The following LBX2 variants were observed in gnomAD, a reference collection of about 807,000 sequenced individuals.
LBX2 encodes ladybird homeobox 2.
A neutral mutation model predicts 7.5 loss-of-function variants in LBX2; 6 were observed. The observed-to-expected ratio is 0.80, with a 90% CI of 0.44 to 1.59. LBX2 has a LOEUF of 1.59. Ranked by LOEUF, LBX2 falls within the 40% of genes most tolerant of loss-of-function variation. The pLI is 0.01. For synonymous variants in LBX2, 143 were observed against 133.2 expected (o/e 1.07, Z -0.51); for missense variants, 281 against 282.0 (o/e 1.00, Z 0.03).
upstream of LBX2, chr2:74,502,570 C>T: frequency 1.6e-6 from 2 of 1,242,562 alleles, no homozygotes; most frequent in Admixed American, 2.0e-5. The surrounding 1 kb of genome is among the most constrained non-coding windows in gnomAD (Gnocchi z 5.4). Context: ...GAGCGTGAGG[C>T]GGGGCTTCCG....
upstream of LBX2, chr2:74,502,989 CA>C: frequency 6.4e-6 from 5 of 784,664 alleles, no homozygotes; most frequent in Non-Finnish European, 7.9e-6. The surrounding 1 kb of genome is among the most constrained non-coding windows in gnomAD (Gnocchi z 5.4). Flanking sequence ...GGAAGGTGGG[CA>C]GGGGCAAGGT....
rs760051483 is a variant in LBX2, at chr2:74,497,935, C to G, written c.589G>C (p.Asp197His). Reference sequence around the variant, plus strand: ...TGGCGGCGGCTTTGTCTTCAATCGTCCACCTGTATCTCCTCGTCTGACAGG... The same window carrying G: ...TGGCGGCGGCTTTGTCTTCAATCGTGCACCTGTATCTCCTCGTCTGACAGG... ...PHLSDEEIQV[D>H]D Residue 197 changes from aspartate to histidine, a missense_variant, in exon 2 of 2, where the codon GAC becomes CAC. By Grantham distance (81) the Asp-to-His change is moderately conservative (BLOSUM62 -1). Coordinates refer to ENST00000377566, the MANE Select transcript of LBX2 (RefSeq NM_001282430.2). 6.4e-7 allele frequency: 1 copy of G among 1,566,908 alleles called. No individual in the cohort carries two copies. The highest frequency in any genetic ancestry group is 2.3e-5 in the East Asian group (1 of 44,098).
At chr2:74,499,822 G>C, upstream of LBX2, 1 of 517,924 alleles carries the variant, frequency 1.9e-6, no homozygotes. The surrounding 1 kb of genome is among the most constrained non-coding windows in gnomAD (Gnocchi z 4.6). Flanking sequence ...GGGCTGCTCC[G>C]CGCTGCGGGG....
upstream of LBX2, chr2:74,502,669 T>C (rs748032304): frequency 2.0e-5 from 33 of 1,613,774 alleles, no homozygotes; most frequent in South Asian, 1.2e-4. This position sits in a 1 kb window ranked among gnomAD's most constrained non-coding sequence, Gnocchi z 5.4. Flanking sequence ...TTCGTGACTT[T>C]GGGGGCGGCA....
chr2:74,499,629 GC>G, upstream of LBX2: 1 of 1,359,004 alleles, frequency 7.4e-7, no homozygotes. This position sits in a 1 kb window ranked among gnomAD's most constrained non-coding sequence, Gnocchi z 4.6. Flanking sequence ...CGGGCCCCCA[GC>G]CTCGGACCCG....
In LBX2 at chr2:74,497,990, G is replaced by C. The variant is rs746217432; in HGVS notation, c.534C>G (p.Leu178=). ...PEGAPDPGLC[L]GPAGPDSRPH... is the part of the protein sequence containing the mutation. ...GCCGGGAGTCAGGGCCGGCAGGGCC[G>C]AGGCAGAGGCCGGGATCTGGAGCGC... is the stretch of plus-strand genomic sequence containing the variant. The change falls in exon 2 of 2, where the codon CTC becomes CTG. Residue 178 remains leucine (L), a synonymous_variant. Transcript: ENST00000377566. The C allele has an allele frequency of 6.2e-7, 1 of 1,607,142 alleles. No homozygotes were observed. The highest frequency in any genetic ancestry group is 2.2e-5 in the East Asian group (1 of 44,584).
Position 74,498,400 on chromosome 2 carries a change from G to C in LBX2, c.206-82C>G, listed in dbSNP as rs1442753068. The C allele has an allele frequency of 2.5e-6, 3 of 1,188,822 alleles. No individual in the cohort carries two copies. The African/African-American group carries it at 4.6e-5, about 18-fold the overall frequency. 73.6% of individuals were successfully genotyped at this position (1,188,822 alleles called of 1,614,324 possible). A position where few individuals can be genotyped will look rare whatever the true frequency, so the allele number is the denominator to read the frequency against. ...AAAGAAAAGTTGGGGGTGGGGTCGGGCCGGTGGCGGTGGGGGAAGTAGAGG... is the reference window on the plus strand; with the variant it reads ...AAAGAAAAGTTGGGGGTGGGGTCGGCCCGGTGGCGGTGGGGGAAGTAGAGG... On this transcript the variant is annotated intron_variant, in intron 1 of 1. Coordinates refer to ENST00000377566, the MANE Select transcript of LBX2 (RefSeq NM_001282430.2).
In LBX2 at chr2:74,499,421, C is replaced by T. The variant is rs1175547721; in HGVS notation, c.117G>A (p.Pro39=). 3.9e-6 allele frequency: 6 copies of T among 1,550,630 alleles called. No homozygotes were observed. The highest frequency in any genetic ancestry group is 2.7e-5 in the African/African-American group (2 of 73,178). ...GCGCGCACAGCGGCGACGTTGGACC[C>T]GGACCCGACTCTGGAAGCTGCGGCG... ...PSAPQLPESG[P]GPTSPLCALE... is the part of the protein sequence containing the mutation. Residue 39 remains proline, a synonymous_variant, in exon 1 of 2, where the codon CCG becomes CCA. Coordinates refer to ENST00000377566, the MANE Select transcript of LBX2 (RefSeq NM_001282430.2). The surrounding 1 kb of genome is among the most constrained non-coding windows in gnomAD (Gnocchi z 4.6).
At position 74,498,305 on chromosome 2, in the gene LBX2, C is replaced by A; in HGVS notation, c.219G>T (p.Pro73=). ...CGAAGGGACCAGGGCCCAGCGCGTC[C>A]GGACCTGCCCGCCCTGTAGGGATAG... The part of the protein sequence containing the change: ...ALQPSEGRAG[P]DALGPGPFGR... The change falls in exon 2 of 2, where the codon CCG becomes CCT. Residue 73 remains proline, a synonymous_variant. Coordinates refer to ENST00000377566, the MANE Select transcript of LBX2 (RefSeq NM_001282430.2). 1 of 1,544,628 alleles carries A rather than the reference C, an allele frequency of 6.5e-7. No homozygotes were observed. Among genetic ancestry groups the A allele is most frequent in the Non-Finnish European group, 8.7e-7 (1 of 1,148,506 alleles).
chr2:74,497,928 C>T lies in LBX2; in HGVS notation c.596G>A (p.Ter199=), dbSNP rs777146630. The part of the protein sequence containing the change: ...LSDEEIQVDD[*] The stretch of plus-strand genomic sequence containing the variant: ...CCAGGATTGGCGGCGGCTTTGTCTT[C>T]AATCGTCCACCTGTATCTCCTCGTC... Residue 199 remains the stop codon, a stop_retained_variant, in exon 2 of 2, where the codon TGA becomes TAA. Transcript: ENST00000377566. The T allele has an allele frequency of 6.4e-7, 1 of 1,555,390 alleles. No homozygotes were observed. The highest frequency in any genetic ancestry group is 2.3e-5 in the East Asian group (1 of 43,966).
chr2:74,498,258 C>T lies in LBX2; in HGVS notation c.266G>A (p.Arg89His). Residue 89 changes from arginine to histidine, a missense_variant, in exon 2 of 2, where the codon CGC becomes CAC. Coordinates refer to ENST00000377566, the MANE Select transcript of LBX2 (RefSeq NM_001282430.2). ...CACCTGTTGCGCGGTGAACGCAGTG[C>T]GTGACTTGCGCCGTTTGCGGCCGAA... ...GPFGRKRRKSRTAFTAQQVLE... is the reference protein window; with the variant it reads ...GPFGRKRRKSHTAFTAQQVLE... 1.3e-6 allele frequency: 2 copies of T among 1,596,162 alleles called. No individual in the cohort carries two copies. Among genetic ancestry groups the T allele is most frequent in the African/African-American group, 2.7e-5 (2 of 74,948 alleles).
At chr2:74,498,706 C>A in intron 1 of LBX2, 1 of 242,436 alleles carries the variant, frequency 4.1e-6, no homozygotes. Context: ...GGGCAGCCGA[C>A]CCAGCGTGGT....
At chr2:74,498,878 C>T in intron 1 of LBX2, 1 of 210,366 alleles carries the variant, frequency 4.8e-6, no homozygotes, top group South Asian at 9.7e-5. Context: ...CCCAGTGCTG[C>T]GCCAAGGGCT....
At chr2:74,502,350 G>T, upstream of LBX2, 1 of 376,566 alleles carries the variant, frequency 2.7e-6, no homozygotes. The surrounding 1 kb of genome is among the most constrained non-coding windows in gnomAD (Gnocchi z 5.4). Context: ...CTCAATAAAC[G>T]ACCTTTAGTC....
At position 74,498,001 on chromosome 2, in the gene LBX2, C is replaced by T. The variant is rs1674393346; in HGVS notation, c.523G>A (p.Gly175Ser). ...LALPEGAPDP[G>S]LCLGPAGPDS... ...GGGCCGGCAGGGCCGAGGCAGAGGC[C>T]GGGATCTGGAGCGCCTTCGGGCAGT... The change falls in exon 2 of 2, where the codon GGC (glycine) becomes AGC (serine). Residue 175 changes from glycine (G) to serine (S), a missense_variant. Gly to Ser is a moderately conservative substitution (Grantham distance 56, BLOSUM62 0). This residue lies in a region of LBX2 where 59 missense variants were observed against 52.9 expected (regional missense o/e 1.11). Coordinates refer to ENST00000377566, the MANE Select transcript of LBX2 (RefSeq NM_001282430.2). 1 of 1,609,590 alleles carries T rather than the reference C, an allele frequency of 6.2e-7. No individual in the cohort carries two copies. Among genetic ancestry groups the T allele is most frequent in the East Asian group, 2.2e-5 (1 of 44,654 alleles).
upstream of LBX2, among the ~76,000 whole-genome samples, chr2:74,500,134 C>T (rs1178326781): frequency 1.3e-5 from 2 of 152,122 alleles, no homozygotes; most frequent in Admixed American, 1.3e-4. Context: ...GTCGGGGGCG[C>T]AACACTTGGG....
In LBX2 at chr2:74,499,262, A is replaced by G. The variant is rs2104302513; in HGVS notation, c.205+71T>C. 2.2e-6 allele frequency: 3 copies of G among 1,377,790 alleles called. No homozygotes were observed. In the South Asian group the frequency reaches 3.8e-5, roughly 17 times the overall value. The allele number at this position is 1,377,790 out of a possible 1,614,324, so 85.3% of individuals were successfully genotyped here. A position where few individuals can be genotyped will look rare whatever the true frequency, so the allele number is the denominator to read the frequency against. ...TGGCCTGGGCTGGGACAAAGGTTTG[A>G]GACGGGGAACCAGGAGGAGAGAGGT... On this transcript the variant is annotated intron_variant, in intron 1 of 1. Coordinates refer to ENST00000377566, the MANE Select transcript of LBX2 (RefSeq NM_001282430.2). The surrounding 1 kb of genome is among the most constrained non-coding windows in gnomAD (Gnocchi z 4.6).
chr2:74,500,641 G>C (rs1047371210), upstream of LBX2, among the ~76,000 whole-genome samples: 4 of 152,124 alleles, frequency 2.6e-5, no homozygotes, highest in Non-Finnish European at 5.9e-5. Flanking sequence ...TTCTGGTTCT[G>C]GGCTCATACC....
In LBX2 at chr2:74,498,033, C is replaced by T. The variant is rs755871870; in HGVS notation, c.491G>A (p.Ser164Asn). The change falls in exon 2 of 2, where the codon AGC becomes AAC. Residue 164 changes from serine (S) to asparagine (N), a missense_variant. Ser to Asn is a conservative substitution (Grantham distance 46). This residue lies in a region of LBX2 where 59 missense variants were observed against 52.9 expected (regional missense o/e 1.11). Transcript: ENST00000377566. ...TGGAGCGCCTTCGGGCAGTGCTAAG[C>T]TGCACAGGACTTCCGGGGACAACGC... Reference protein sequence around the residue: ...LRALSPEVLCSLALPEGAPDP... With the variant: ...LRALSPEVLCNLALPEGAPDP... 10 of 1,613,640 alleles carry T rather than the reference C, an allele frequency of 6.2e-6. No homozygotes were observed. Among genetic ancestry groups the T allele is most frequent in the Non-Finnish European group, 7.6e-6 (9 of 1,179,814 alleles).
Sources: allele counts gnomAD v4.1 joint callset (sites outside exome capture counted in the v4.1 genomes callset), GRCh38; gene constraint gnomAD v4.1.1; regional missense constraint gnomAD v4.1.1; non-coding constraint Gnocchi (gnomAD v3.1); transcripts MANE v1.5; gene names NCBI Gene and HGNC (gene_info 2026-07-23, HGNC 2026-07-21).